ZNF395: variants seen among roughly 807,000 people sequenced by gnomAD.
ZNF395 encodes the protein HD gene regulatory region-binding protein 2.
ZNF395 carries 20 observed loss-of-function variants against 57.7 expected under a neutral mutation model. The ratio of observed to expected loss-of-function variants is 0.35; its 90% CI spans 0.24 to 0.50. The LOEUF (loss-of-function observed/expected upper bound fraction) is 0.50. Ranked by LOEUF, ZNF395 falls within the 20% of genes least tolerant of loss-of-function variation. The pLI, the probability that ZNF395 is intolerant of heterozygous loss-of-function variation, is 0.97. For synonymous variants in ZNF395, 295 were observed against 275.9 expected (o/e 1.07, Z -0.69); for missense variants, 606 against 671.2 (o/e 0.90, Z 1.07).
chr8:28,356,594 C>T lies in ZNF395; in HGVS notation c.583+76G>A. ...ATTGCCAGGCTGGTGACATAGGCAA[C>T]TAGCTGCTCTGCACAGAGGATGTTT... On this transcript the variant is annotated intron_variant, in intron 4 of 9. Coordinates refer to ENST00000344423, the MANE Select transcript of ZNF395 (RefSeq NM_018660.3). This position sits in a 1 kb window ranked among gnomAD's most constrained non-coding sequence, Gnocchi z 4.0. The T allele has an allele frequency of 1.8e-6, 2 of 1,100,732 alleles. No homozygotes were observed. The highest frequency in any genetic ancestry group is 2.6e-6 in the Non-Finnish European group (2 of 756,492). The allele number at this position is 1,100,732 out of a possible 1,614,324, so 68.2% of individuals were successfully genotyped here.
rs947928122 is a variant in ZNF395 at position 28,351,577 on chromosome 8, G to A, written c.1151C>T (p.Pro384Leu). 5 of 1,613,632 alleles carry A rather than the reference G, an allele frequency of 3.1e-6. No individual in the cohort carries two copies. Among genetic ancestry groups the A allele is most frequent in the East Asian group, 2.2e-5 (1 of 44,888 alleles). The change falls in exon 7 of 10, where the codon CCG becomes CTG. Residue 384 changes from proline (P) to leucine (L), a missense_variant. This residue lies in a region of ZNF395 where 261 missense variants were observed against 240.3 expected (regional missense o/e 1.09). Transcript: ENST00000344423. ...AGCCCCTGAGGGCAGGGAGGACTCC[G>A]GGCCAGGATGTTCTGGGCCGGAGGA... is the stretch of plus-strand genomic sequence containing the variant. ...AQSSGPEHPGPESSLPSGALS... is the reference protein window; with the variant it reads ...AQSSGPEHPGLESSLPSGALS...
Position 28,346,951 on chromosome 8 carries a change from T to A in ZNF395, c.*1768A>T, listed in dbSNP as rs1376040382. The A allele has an allele frequency of 6.6e-6, 1 of 151,738 alleles. No individual in the cohort carries two copies. The highest frequency in any genetic ancestry group is 2.4e-5 in the African/African-American group (1 of 41,314). 9.4% of individuals were successfully genotyped at this position (151,738 alleles called of 1,614,324 possible). On this transcript the variant is annotated 3_prime_UTR_variant, in exon 10 of 10. Transcript: ENST00000344423. ...GACAGAATTCCACATACATTTTTTT[T>A]TTTTTACTAAGTTATAAAAAAAAAA...
chr8:28,385,816 G>A (rs1354336465), intron 1 of ZNF395, among the ~76,000 whole-genome samples: 1 of 147,578 alleles, frequency 6.8e-6, no homozygotes, highest in Non-Finnish European at 1.5e-5. Context: ...GCGCGGGAGC[G>A]GCAGCCACCC....
chr8:28,384,076 T>C (rs1802141549), intron 1 of ZNF395, among the ~76,000 whole-genome samples: 1 of 152,134 alleles, frequency 6.6e-6, no homozygotes, highest in African/African-American at 2.4e-5. Flanking sequence ...CTTCCAGTGA[T>C]CCCAGTGCAA....
rs1801620771 is a variant in ZNF395 at position 28,347,612 on chromosome 8, A to G, written c.*1107T>C. ...CCCAAACCCACGTCTTCCTCCTGTC[A>G]TTTCCTCATCCTGACGCTCACGGGT... is the stretch of plus-strand genomic sequence containing the variant. On this transcript the variant is annotated 3_prime_UTR_variant, in exon 10 of 10. Transcript: ENST00000344423. 2 of 152,190 alleles carry G rather than the reference A, an allele frequency of 1.3e-5. No individual in the cohort carries two copies. Among genetic ancestry groups the G allele is most frequent in the Admixed American group, 6.6e-5 (1 of 15,258 alleles). 9.4% of individuals were successfully genotyped at this position (152,190 alleles called of 1,614,324 possible).
Position 28,349,175 on chromosome 8 carries a change from C to A in ZNF395, c.1380G>T (p.Met460Ile), listed in dbSNP as rs747728421. ...GAGAAGTGACGATCAGATGAGATTTCATCGCAGGTGCTGGCTGCTGGGGCT... is the reference window on the plus strand; with the variant it reads ...GAGAAGTGACGATCAGATGAGATTTAATCGCAGGTGCTGGCTGCTGGGGCT... ...FSEPQQPAPA[M>I]KSHLIVTSPP... The change falls in exon 9 of 10, where the codon ATG becomes ATT. Residue 460 changes from methionine to isoleucine, a missense_variant. This residue lies in a region of ZNF395 where 261 missense variants were observed against 240.3 expected (regional missense o/e 1.09). Transcript: ENST00000344423. The A allele has an allele frequency of 2.6e-6, 4 of 1,564,282 alleles. No homozygotes were observed. The East Asian group carries it at 9.1e-5, about 35-fold the overall frequency.
intron 1 of ZNF395, among the ~76,000 whole-genome samples, chr8:28,365,060 G>A (rs1801894737): frequency 1.3e-5 from 2 of 152,206 alleles, no homozygotes; most frequent in African/African-American, 2.4e-5. Flanking sequence ...TTATACTGGG[G>A]ATTAATAGGA....
At position 28,352,086 on chromosome 8, in the gene ZNF395, C is replaced by G. The variant is rs7014046; in HGVS notation, c.921-279G>C. Among the ~76,000 whole-genome samples, 1 of 152,226 alleles carries G rather than the reference C, an allele frequency of 6.6e-6. No homozygotes were observed. The highest frequency in any genetic ancestry group is 1.5e-5 in the Non-Finnish European group (1 of 68,038). On this transcript the variant is annotated intron_variant, in intron 6 of 9. Transcript: ENST00000344423. The surrounding 1 kb of genome is among the most constrained non-coding windows in gnomAD (Gnocchi z 4.0). ...AGGCATCCCACACTGAGCACGACCA[C>G]GAGCCCTCTCTGGGCCCCACCTGCC... is the stretch of plus-strand genomic sequence containing the variant.
chr8:28,363,378 T>C (rs1216671157), intron 1 of ZNF395, among the ~76,000 whole-genome samples: 1 of 152,102 alleles, frequency 6.6e-6, no homozygotes, highest in Non-Finnish European at 1.5e-5. Flanking sequence ...GCCATCTGCC[T>C]GCCTCAGCAG....
intron 1 of ZNF395, among the ~76,000 whole-genome samples, chr8:28,383,618 C>T (rs895415210): frequency 1.3e-5 from 2 of 152,134 alleles, no homozygotes; most frequent in African/African-American, 4.8e-5. Context: ...AGGTTCAGAA[C>T]CGAGCAATGT....
intron 1 of ZNF395, among the ~76,000 whole-genome samples, chr8:28,364,438 G>A (rs1462265280): frequency 2.6e-5 from 4 of 152,176 alleles, no homozygotes; most frequent in African/African-American, 7.2e-5. Flanking sequence ...GATCACTTGA[G>A]GTCGGGAGGT....
In ZNF395 at chr8:28,352,450, C is replaced by A; in HGVS notation, c.920+123G>T. 1.3e-6 allele frequency: 1 copy of A among 745,160 alleles called. No individual in the cohort carries two copies. 46.2% of individuals were successfully genotyped at this position (745,160 alleles called of 1,614,324 possible). On this transcript the variant is annotated intron_variant, in intron 6 of 9. Coordinates refer to ENST00000344423, the MANE Select transcript of ZNF395 (RefSeq NM_018660.3). This position sits in a 1 kb window ranked among gnomAD's most constrained non-coding sequence, Gnocchi z 4.0. Reference sequence around the variant, plus strand: ...TTCTCAGGGGGCCAGGAAGAGACACCAGGGGGTGTTCCCAGCAAGCCACGT... The same window carrying A: ...TTCTCAGGGGGCCAGGAAGAGACACAAGGGGGTGTTCCCAGCAAGCCACGT...
At chr8:28,353,133 C>T (rs370376491) in intron 5 of ZNF395, 40 bp downstream of exon 5, 213 of 1,596,752 alleles carry the variant, frequency 1.3e-4, no homozygotes, top group Admixed American at 3.5e-4. Flanking sequence ...AGACATCATC[C>T]GCTCCAGCCT....
chr8:28,359,898 T>C lies in ZNF395; in HGVS notation c.241-74A>G, dbSNP rs1585855658. 6.5e-7 allele frequency: 1 copy of C among 1,532,436 alleles called. No individual in the cohort carries two copies. The allele number at this position is 1,532,436 out of a possible 1,614,324, so 94.9% of individuals were successfully genotyped here. On this transcript the variant is annotated intron_variant, in intron 2 of 9. Transcript: ENST00000344423. The surrounding 1 kb of genome is among the most constrained non-coding windows in gnomAD (Gnocchi z 4.7). ...CCCTGAAGTTCTCATGCACCCCACG[T>C]CCCAGGAGCCAGGATCTGCCTGCCA...
At chr8:28,380,081 T>C (rs1432443242) in intron 1 of ZNF395, among the ~76,000 whole-genome samples, 3 of 152,182 alleles carry the variant, frequency 2.0e-5, no homozygotes, top group African/African-American at 7.2e-5. Flanking sequence ...TTTAAAGATA[T>C]CAGAATTCAC....
chr8:28,373,451 T>C (rs1233949097), intron 1 of ZNF395, among the ~76,000 whole-genome samples: 1 of 152,204 alleles, frequency 6.6e-6, no homozygotes, highest in Non-Finnish European at 1.5e-5. Context: ...GGCCGCATTC[T>C]AGATGCCTTT....
At chr8:28,360,791 G>A in intron 2 of ZNF395, 94 bp downstream of exon 2, 4 of 1,528,100 alleles carry the variant, frequency 2.6e-6, no homozygotes, top group Non-Finnish European at 2.6e-6. Flanking sequence ...TCAAAACGGT[G>A]CCCAGAGAGT....
intron 1 of ZNF395, among the ~76,000 whole-genome samples, chr8:28,371,642 A>G (rs1801977185): frequency 1.3e-5 from 2 of 152,236 alleles, no homozygotes. Context: ...AATGTGCATT[A>G]TGACAGCAAA....
At chr8:28,358,135 T>G (rs903672426) in intron 3 of ZNF395, among the ~76,000 whole-genome samples, 4 of 147,684 alleles carry the variant, frequency 2.7e-5, no homozygotes, top group African/African-American at 1.0e-4. Context: ...GTTTTGTGGG[T>G]TTTTTTCTTT....
Sources: allele counts gnomAD v4.1 joint callset (sites outside exome capture counted in the v4.1 genomes callset), GRCh38; gene constraint gnomAD v4.1.1; regional missense constraint gnomAD v4.1.1; non-coding constraint Gnocchi (gnomAD v3.1); transcripts MANE v1.5; gene names NCBI Gene and HGNC (gene_info 2026-07-23, HGNC 2026-07-21).